The following BMS1 variants were observed in gnomAD, a reference collection of about 807,000 sequenced individuals.
BMS1 encodes the protein BMS1 ribosome biogenesis factor.
BMS1 carries 53 observed loss-of-function variants against 138.7 expected under a neutral mutation model. That is an observed-to-expected ratio of 0.38 (90% CI 0.31 to 0.48). The LOEUF (loss-of-function observed/expected upper bound fraction) is 0.48. Among genes scored for constraint, BMS1 ranks in the 20% least tolerant of loss-of-function variants. BMS1 has a pLI of 0.97. For missense variants in BMS1, 1,360 were observed against 1,565.5 expected, an observed-to-expected ratio of 0.87 and a Z score of 2.22; for synonymous variants, 504 against 539.9, an observed-to-expected ratio of 0.93 and a Z score of 0.92.
At chr10:42,817,853 C>A (rs1324402119) in intron 15 of BMS1, among the ~76,000 whole-genome samples, 1 of 152,222 alleles carries the variant, frequency 6.6e-6, no homozygotes, top group African/African-American at 2.4e-5. Context: ...TCGCTGCTCC[C>A]TGATTTGAAT....
At chr10:42,787,060 T>C (rs1841357433) in intron 3 of BMS1, 108 bp from the exon 4 acceptor site, 2 of 821,760 alleles carry the variant, frequency 2.4e-6, no homozygotes, top group Admixed American at 3.7e-5. Context: ...CTCCTGTAAA[T>C]GTATATGATG....
At chr10:42,804,979 A>G (rs1177300344) in intron 13 of BMS1, among the ~76,000 whole-genome samples, 2 of 152,118 alleles carry the variant, frequency 1.3e-5, no homozygotes, top group Admixed American at 6.5e-5. Context: ...CAGCCTCCCA[A>G]AGTGCTGGGA....
chr10:42,802,170 G>A lies in BMS1; in HGVS notation c.2281G>A (p.Gly761Arg), dbSNP rs1490654599. The change falls in exon 13 of 23, where the codon GGA (glycine) becomes AGA (arginine). Residue 761 changes from glycine (G) to arginine (R), a missense_variant. Around this residue, in one of 3 missense-constraint regions of BMS1, gnomAD observed 697 missense variants for 686.2 expected, o/e 1.02. Transcript: ENST00000374518. ...MNSIRDCFVT[G>R]KWEDDKDAAK... ...CAGTATCAGAGATTGCTTCGTGACT[G>A]GAAAGTGGGAAGATGATAAAGATGC... 1.2e-6 allele frequency: 2 copies of A among 1,613,380 alleles called. No individual in the cohort carries two copies. Among genetic ancestry groups the A allele is most frequent in the Non-Finnish European group, 1.7e-6 (2 of 1,179,610 alleles).
rs768824247 is a variant in BMS1, at chr10:42,784,457, A to G, written c.63A>G (p.Lys21=). The change falls in exon 2 of 23, where the codon AAA becomes AAG. Residue 21 remains lysine (K), a synonymous_variant. Transcript: ENST00000374518. ...ACAGTGGACCCAAAGCTGCAAAGAA[A>G]AAGAAGCGGCTTCTGCAGGATCTCC... The part of the protein sequence containing the change: ...KKNSGPKAAK[K]KKRLLQDLQL... 72 of 1,613,706 alleles carry G rather than the reference A, an allele frequency of 4.5e-5. No individual in the cohort carries two copies. Among genetic ancestry groups the G allele is most frequent in the Non-Finnish European group, 5.9e-5 (70 of 1,179,872 alleles).
Position 42,796,809 on chromosome 10 carries a change from A to T in BMS1, c.1565A>T (p.Asp522Val). 3 of 1,614,218 alleles carry T rather than the reference A, an allele frequency of 1.9e-6. No individual in the cohort carries two copies. Among genetic ancestry groups the T allele is most frequent in the Non-Finnish European group, 2.5e-6 (3 of 1,180,026 alleles). ...SAEEGEAEEA[D>V]ESSEEEDCTA... ...GAAGAAGGGGAAGCGGAGGAAGCTG[A>T]TGAAAGCAGTGAAGAAGAGGACTGC... The change falls in exon 10 of 23, where the codon GAT (aspartate) becomes GTT (valine). Residue 522 changes from aspartate (D) to valine (V), a missense_variant. Asp to Val is a radical substitution (Grantham distance 152). Coordinates refer to ENST00000374518, the MANE Select transcript of BMS1 (RefSeq NM_014753.4).
Position 42,834,516 on chromosome 10 carries a change from T to C in BMS1, c.*3420T>C, listed in dbSNP as rs1353369145. On this transcript the variant is annotated 3_prime_UTR_variant, in exon 23 of 23. Transcript: ENST00000374518. Reference sequence around the variant, plus strand: ...TTCAGCAAGGACATTGTATTTTACTTGTGTCTCCTTAGTTTTACCTAGTTT... The same window carrying C: ...TTCAGCAAGGACATTGTATTTTACTCGTGTCTCCTTAGTTTTACCTAGTTT... 6.6e-6 allele frequency: 1 copy of C among 152,126 alleles called. No individual in the cohort carries two copies. The highest frequency in any genetic ancestry group is 1.5e-5 in the Non-Finnish European group (1 of 68,028). The allele number at this position is 152,126 out of a possible 1,614,324, so 9.4% of individuals were successfully genotyped here. A position where few individuals can be genotyped will look rare whatever the true frequency, so the allele number is the denominator to read the frequency against.
At chr10:42,811,260 C>G (rs1159696903) in intron 13 of BMS1, among the ~76,000 whole-genome samples, 1 of 151,952 alleles carries the variant, frequency 6.6e-6, no homozygotes, top group Admixed American at 6.6e-5. Flanking sequence ...TCAGGCTGTT[C>G]TCAAGCTCCC....
chr10:42,823,785 G>GT lies in BMS1; in HGVS notation c.3456+2dup. 6.3e-7 allele frequency: 1 copy of GT among 1,574,948 alleles called. No individual in the cohort carries two copies. ...GGCGAACAAGGACTCTCTGTATAAG[G>GT]TACTGGTCGCGTGTGTGTTAGTGGA... On this transcript the variant is annotated splice_donor_variant, in intron 21 of 22. Coordinates refer to ENST00000374518, the MANE Select transcript of BMS1 (RefSeq NM_014753.4). LOFTEE classifies it high-confidence loss of function.
chr10:42,812,531 G>A (rs1483688412), intron 13 of BMS1, among the ~76,000 whole-genome samples: 1 of 152,178 alleles, frequency 6.6e-6, no homozygotes, highest in East Asian at 1.9e-4. Context: ...AGATGTTACG[G>A]TCACTTCCTT....
chr10:42,784,810 G>A (rs1414502421), intron 2 of BMS1, among the ~76,000 whole-genome samples: 1 of 152,150 alleles, frequency 6.6e-6, no homozygotes, highest in Admixed American at 6.5e-5. Flanking sequence ...GACTTTGTTT[G>A]TTCCTAAATT....
rs750504241 is a variant in BMS1, at chr10:42,785,954, C to G, written c.367+282C>G. 2.0e-5 allele frequency among the ~76,000 whole-genome samples: 3 copies of G among 152,152 alleles called. No individual in the cohort carries two copies. The South Asian group carries it at 6.2e-4, about 32-fold the overall frequency. On this transcript the variant is annotated intron_variant, in intron 3 of 22. Coordinates refer to ENST00000374518, the MANE Select transcript of BMS1 (RefSeq NM_014753.4). ...GGCTGGAAAATCAAGCTTTGCTGCT[C>G]GATTGCGACACCAGCCACAGTCCTC...
At chr10:42,802,354 C>T in intron 13 of BMS1, 136 bp downstream of exon 13, 1 of 669,208 alleles carries the variant, frequency 1.5e-6, no homozygotes. Context: ...AGTAATGAAC[C>T]AGGTAATATT....
intron 5 of BMS1, 56 bp downstream of exon 5, chr10:42,790,567 G>A: frequency 1.3e-6 from 2 of 1,576,688 alleles, no homozygotes; most frequent in Non-Finnish European, 1.7e-6. Flanking sequence ...AAAATAGACT[G>A]AAGAGGCCGG....
rs1186221278 is a variant in BMS1 at position 42,784,400 on chromosome 10, G to A, written c.6G>A (p.Glu2=). Residue 2 remains glutamate, a synonymous_variant, in exon 2 of 23, where the codon GAG becomes GAA. Transcript: ENST00000374518. ...GTTATTGGTAAATAGCCACTATGGA[G>A]GCTAAGGACCAGAAGAAACACAGAA... The part of the protein sequence containing the change: M[E]AKDQKKHRKK... 6.2e-7 allele frequency: 1 copy of A among 1,604,502 alleles called. No homozygotes were observed. Among genetic ancestry groups the A allele is most frequent in the Non-Finnish European group, 8.5e-7 (1 of 1,178,670 alleles).
At chr10:42,809,600 T>C (rs1354711058) in intron 13 of BMS1, among the ~76,000 whole-genome samples, 1 of 152,154 alleles carries the variant, frequency 6.6e-6, no homozygotes, top group Non-Finnish European at 1.5e-5. Flanking sequence ...ATTCAGTGAC[T>C]AGACTTTTAG....
chr10:42,790,922 G>T (rs1385873145), intron 5 of BMS1, among the ~76,000 whole-genome samples: 2 of 152,086 alleles, frequency 1.3e-5, no homozygotes, highest in Non-Finnish European at 2.9e-5. Flanking sequence ...TCCTTTGTGT[G>T]TGTATTCACA....
intron 9 of BMS1, among the ~76,000 whole-genome samples, chr10:42,796,028 G>T (rs949486658): frequency 1.1e-4 from 16 of 152,162 alleles, no homozygotes; most frequent in Non-Finnish European, 1.9e-4. Context: ...AACTGTCTCT[G>T]TTAGTCTTTG....
chr10:42,809,187 CA>C lies in BMS1; in HGVS notation c.2329+6970del, dbSNP rs144392149. Among the ~76,000 whole-genome samples the C allele has an allele frequency of 3.2e-3, 491 of 152,160 alleles. 6 individuals are homozygous for C. Among genetic ancestry groups the C allele is most frequent in the African/African-American group, 0.011 (437 of 41,512 alleles). On this transcript the variant is annotated intron_variant, in intron 13 of 22. Coordinates refer to ENST00000374518, the MANE Select transcript of BMS1 (RefSeq NM_014753.4). The stretch of plus-strand genomic sequence containing the variant: ...TTTCTTTCATCAGTATTATGATTTT[CA>C]GCATACCAGTTGGGAATATGTTTTG...
intron 9 of BMS1, among the ~76,000 whole-genome samples, chr10:42,795,940 C>G (rs991423458): frequency 6.6e-6 from 1 of 152,174 alleles, no homozygotes; most frequent in Admixed American, 6.5e-5. Context: ...TTTTCCATCA[C>G]TATCATTATT....
Sources: gnomAD v4.1 joint callset for allele counts (sites outside exome capture counted in the v4.1 genomes callset) on GRCh38, gnomAD v4.1.1 for gene constraint, gnomAD v4.1.1 regional missense constraint, MANE v1.5 for transcripts, NCBI Gene and HGNC (gene_info 2026-07-23, HGNC 2026-07-21) for gene names.